NUP214: variants seen among roughly 807,000 people sequenced by gnomAD.
The protein encoded by NUP214 is nuclear pore complex protein Nup214.
A neutral mutation model predicts 196.2 loss-of-function variants in NUP214; 79 were observed. That is an observed-to-expected ratio of 0.40 (90% CI 0.34 to 0.49). The LOEUF (loss-of-function observed/expected upper bound fraction) is 0.49, where lower values mean the gene tolerates loss of function less well. NUP214 is among the 20% of genes least tolerant of loss of function. The probability of loss-of-function intolerance (pLI) is 0.58; values close to 1 mark genes in which losing one functional copy is unlikely to be tolerated. For missense variants in NUP214, 2,468 were observed against 2,539.0 expected, an observed-to-expected ratio of 0.97 and a Z score of 0.60; for synonymous variants, 1,020 against 990.5, an observed-to-expected ratio of 1.03 and a Z score of -0.56.
chr9:131,190,794 A>G (rs1833575423), intron 26 of NUP214: 2 of 227,042 alleles, frequency 8.8e-6, no homozygotes, highest in Admixed American at 5.7e-5. Context: ...AAAGAAAAAT[A>G]TCCTATATAC....
In NUP214 at chr9:131,232,853, TAAAA is replaced by T. The variant is rs1450610072; in HGVS notation, c.6239+549_6239+552del. 6.7e-6 allele frequency: 1 copy of T among 149,270 alleles called. No homozygotes were observed. Among genetic ancestry groups the T allele is most frequent in the Non-Finnish European group, 1.4e-5 (1 of 69,272 alleles). 9.2% of individuals were successfully genotyped at this position (149,270 alleles called of 1,614,324 possible). On this transcript the variant is annotated intron_variant, in intron 35 of 35. Coordinates refer to ENST00000359428, the MANE Select transcript of NUP214 (RefSeq NM_005085.4). This position sits in a 1 kb window ranked among gnomAD's most constrained non-coding sequence, Gnocchi z 5.1. ...GTGAGACCCCATCTCTACTAAAAAT[TAAAA>T]AAATTAGCCGTGCATGCTGGCTTAT...
rs899959959 is a variant in NUP214 at position 131,176,240 on chromosome 9, A to G, written c.3319+619A>G. Reference sequence around the variant, plus strand: ...TCAGAGAGGTGAAGGTTATCCCACCAATAAGTAGCAGAACCCAGACTCTAA... The same window carrying G: ...TCAGAGAGGTGAAGGTTATCCCACCGATAAGTAGCAGAACCCAGACTCTAA... On this transcript the variant is annotated intron_variant, in intron 23 of 35. Transcript: ENST00000359428. Among the ~76,000 whole-genome samples the G allele has an allele frequency of 2.0e-5, 3 of 152,198 alleles. No homozygotes were observed. In the East Asian group the frequency reaches 5.8e-4, roughly 29 times the overall value.
At position 131,125,871 on chromosome 9, in the gene NUP214, C is replaced by T; in HGVS notation, c.45+122C>T. The T allele has an allele frequency of 9.1e-7, 1 of 1,097,784 alleles. No individual in the cohort carries two copies. Among genetic ancestry groups the T allele is most frequent in the South Asian group, 1.4e-5 (1 of 69,194 alleles). 68.0% of individuals were successfully genotyped at this position (1,097,784 alleles called of 1,614,324 possible). On this transcript the variant is annotated intron_variant, in intron 1 of 35. Coordinates refer to ENST00000359428, the MANE Select transcript of NUP214 (RefSeq NM_005085.4). The surrounding 1 kb of genome is among the most constrained non-coding windows in gnomAD (Gnocchi z 4.1). Reference sequence around the variant, plus strand: ...CTGCTTGAACAGTTTACCGCGTTCACAGCTCTCACCAGCGCGTCTGCCGCG... The same window carrying T: ...CTGCTTGAACAGTTTACCGCGTTCATAGCTCTCACCAGCGCGTCTGCCGCG...
At position 131,234,037 on chromosome 9, in the gene NUP214, T is replaced by G. The variant is rs976605392; in HGVS notation, c.*550T>G. ...GAGTGGAGGCAGAGGAAGCCACTCA[T>G]GCCAGCAGCAGTTGAGTTTCAGAAG... On this transcript the variant is annotated 3_prime_UTR_variant, in exon 36 of 36. Transcript: ENST00000359428. 3 of 254,770 alleles carry G rather than the reference T, an allele frequency of 1.2e-5. No individual in the cohort carries two copies. The highest frequency in any genetic ancestry group is 6.5e-5 in the African/African-American group (3 of 45,858). 15.8% of individuals were successfully genotyped at this position (254,770 alleles called of 1,614,324 possible). A position where few individuals can be genotyped will look rare whatever the true frequency, so the allele number is the denominator to read the frequency against.
In NUP214 at chr9:131,234,195, G is replaced by A. The variant is rs1262513578; in HGVS notation, c.*708G>A. On this transcript the variant is annotated 3_prime_UTR_variant, in exon 36 of 36. Coordinates refer to ENST00000359428, the MANE Select transcript of NUP214 (RefSeq NM_005085.4). ...TGTGTCCTACTCCAGAGAGGAGGGG[G>A]CCGGTCACTTGAGAAGACAGCCTTT... 1 of 233,164 alleles carries A rather than the reference G, an allele frequency of 4.3e-6. No homozygotes were observed. Among genetic ancestry groups the A allele is most frequent in the Non-Finnish European group, 8.5e-6 (1 of 118,004 alleles). 14.4% of individuals were successfully genotyped at this position (233,164 alleles called of 1,614,324 possible). A position where few individuals can be genotyped will look rare whatever the true frequency, so the allele number is the denominator to read the frequency against.
At chr9:131,156,116 G>C (rs1333545348) in intron 17 of NUP214, among the ~76,000 whole-genome samples, 1 of 149,498 alleles carries the variant, frequency 6.7e-6, no homozygotes, top group African/African-American at 2.5e-5. Flanking sequence ...CATGAGCATG[G>C]GATGTATTTC....
Position 131,187,344 on chromosome 9 carries a change from G to T in NUP214, c.3475G>T (p.Ala1159Ser), listed in dbSNP as rs1242550241. Residue 1159 changes from alanine to serine, a missense_variant, in exon 25 of 36, where the codon GCT becomes TCT. This residue lies in a region of NUP214 where 1,801 missense variants were observed against 1,779.4 expected (regional missense o/e 1.01). Coordinates refer to ENST00000359428, the MANE Select transcript of NUP214 (RefSeq NM_005085.4). ...KTPHPVLTPV[A>S]ANQAKQGSLI... Reference sequence around the variant, plus strand: ...ACCTCACCCAGTGTTGACCCCAGTGGCTGCTAACCAAGCCAAGCAGGTAAC... The same window carrying T: ...ACCTCACCCAGTGTTGACCCCAGTGTCTGCTAACCAAGCCAAGCAGGTAAC... The T allele has an allele frequency of 1.9e-6, 3 of 1,612,442 alleles. No individual in the cohort carries two copies. The highest frequency in any genetic ancestry group is 2.5e-6 in the Non-Finnish European group (3 of 1,179,464).
chr9:131,145,979 A>C (rs1832076705), intron 12 of NUP214, 150 bp from the exon 13 acceptor site: 1 of 698,864 alleles, frequency 1.4e-6, no homozygotes, highest in Non-Finnish European at 2.4e-6. Context: ...AGAAATAGCT[A>C]AACATTTTTG....
intron 17 of NUP214, among the ~76,000 whole-genome samples, chr9:131,156,942 ATACT>A (rs1832469719): frequency 6.6e-6 from 1 of 152,156 alleles, no homozygotes; most frequent in African/African-American, 2.4e-5. Context: ...ATTTGTAGAC[ATACT>A]TAATTGAATG....
At position 131,127,297 on chromosome 9, in the gene NUP214, C is replaced by T. The variant is rs559237702; in HGVS notation, c.46-227C>T. Among the ~76,000 whole-genome samples, 11 of 152,210 alleles carry T rather than the reference C, an allele frequency of 7.2e-5. No individual in the cohort carries two copies. The East Asian group carries it at 1.2e-3, about 16-fold the overall frequency. On this transcript the variant is annotated intron_variant, in intron 1 of 35. Transcript: ENST00000359428. ...ACTTGGGAGTCTGAAGCAGGAGAAT[C>T]GCTTGAACCTGGGAGGCAGAGGTTG...
intron 8 of NUP214, 62 bp from the exon 9 acceptor site, chr9:131,135,878 C>G: frequency 1.5e-6 from 2 of 1,364,940 alleles, no homozygotes; most frequent in Non-Finnish European, 2.1e-6. Flanking sequence ...ACCTGCAGAC[C>G]CAGGTTAGCT....
intron 2 of NUP214, 22 bp from the exon 3 acceptor site, chr9:131,128,310 T>C: frequency 1.2e-6 from 2 of 1,600,518 alleles, no homozygotes; most frequent in Non-Finnish European, 1.7e-6. Context: ...GTTTTCTGCT[T>C]TGTATTTTTT....
chr9:131,230,709 CAG>C lies in NUP214; in HGVS notation c.6156_6157del (p.Gln2052HisfsTer9). ...NAPTFGSLSQ[Q>X]TSGFGTQSSG... is the part of the protein sequence containing the mutation. ...CCCCACTTTCGGATCACTGTCCCAA[CAG>C]ACTTCTGGTTTTGGGACCCAGAGTA... On this transcript the variant is annotated frameshift_variant, in exon 34 of 36. Coordinates refer to ENST00000359428, the MANE Select transcript of NUP214 (RefSeq NM_005085.4). LOFTEE classifies it high-confidence loss of function. 6.2e-7 allele frequency: 1 copy of C among 1,614,166 alleles called. No homozygotes were observed. The highest frequency in any genetic ancestry group is 8.5e-7 in the Non-Finnish European group (1 of 1,180,028).
In NUP214 at chr9:131,228,251, A is replaced by G. The variant is rs1357447716; in HGVS notation, c.5994A>G (p.Pro1998=). Reference sequence around the variant, plus strand: ...GGGTGCCAGCATTCGGTTCAGCCCCAGCCTTTACAAGCCCTCTGGGCTCGA... The same window carrying G: ...GGGTGCCAGCATTCGGTTCAGCCCCGGCCTTTACAAGCCCTCTGGGCTCGA... The part of the protein sequence containing the change: ...FGGVPAFGSA[P]AFTSPLGSTG... Residue 1998 remains proline (P), a synonymous_variant, in exon 33 of 36, where the codon CCA becomes CCG. Transcript: ENST00000359428. 6.2e-7 allele frequency: 1 copy of G among 1,605,606 alleles called. No individual in the cohort carries two copies. Among genetic ancestry groups the G allele is most frequent in the Admixed American group, 1.7e-5 (1 of 57,530 alleles).
intron 14 of NUP214, chr9:131,150,085 C>T (rs2133512188): frequency 2.5e-6 from 1 of 403,662 alleles, no homozygotes; most frequent in East Asian, 3.8e-5. Context: ...TATTATTCAA[C>T]ATGTCCCAGT....
chr9:131,217,134 T>A (rs553027620), intron 31 of NUP214, among the ~76,000 whole-genome samples: 1 of 152,172 alleles, frequency 6.6e-6, no homozygotes, highest in East Asian at 1.9e-4. Context: ...AATCAAAAAC[T>A]AGTCAGTTTT....
At chr9:131,229,711 GA>G (rs1452882890) in intron 33 of NUP214, 1 of 518,870 alleles carries the variant, frequency 1.9e-6, no homozygotes, top group Non-Finnish European at 3.8e-6. Context: ...GGCTGTTGCT[GA>G]TGAGGCCCAA....
intron 13 of NUP214, among the ~76,000 whole-genome samples, chr9:131,147,127 C>T (rs899856672): frequency 6.6e-6 from 1 of 151,954 alleles, no homozygotes; most frequent in African/African-American, 2.4e-5. Flanking sequence ...GCTGGGACTA[C>T]AGGCATGTAC....
At chr9:131,136,258 A>C (rs925921282) in intron 9 of NUP214, among the ~76,000 whole-genome samples, 8 of 152,234 alleles carry the variant, frequency 5.3e-5, no homozygotes, top group Non-Finnish European at 4.4e-5. Context: ...CAGGCTGGTC[A>C]CAAACTCCTG....
Sources: allele counts gnomAD v4.1 joint callset (sites outside exome capture counted in the v4.1 genomes callset), GRCh38; gene constraint gnomAD v4.1.1; regional missense constraint gnomAD v4.1.1; non-coding constraint Gnocchi (gnomAD v3.1); transcripts MANE v1.5; gene names NCBI Gene and HGNC (gene_info 2026-07-23, HGNC 2026-07-21).